RTKN: variants seen among roughly 807,000 people sequenced by gnomAD.
The protein encoded by RTKN is rhotekin.
RTKN carries 49 observed loss-of-function variants against 63.5 expected under a neutral mutation model. The ratio of observed to expected loss-of-function variants is 0.77; its 90% CI spans 0.61 to 0.98. RTKN has a LOEUF of 0.98. RTKN is among the 50% of genes least tolerant of loss of function. The probability of loss-of-function intolerance (pLI) is 0.00; values close to 1 mark genes in which losing one functional copy is unlikely to be tolerated. For synonymous variants in RTKN, 295 were observed against 290.4 expected (o/e 1.02, Z -0.16); for missense variants, 685 against 740.8 (o/e 0.92, Z 0.87).
chr2:74,439,673 CA>C lies in RTKN; in HGVS notation c.111+2032del, dbSNP rs145304008. The C allele has an allele frequency of 8.8e-4, 1,425 of 1,610,396 alleles. 17 individuals are homozygous for C. The African/African-American group carries it at 0.017, about 19-fold the overall frequency. On this transcript the variant is annotated intron_variant, in intron 1 of 11. Transcript: ENST00000272430. The stretch of plus-strand genomic sequence containing the variant: ...CTTGTCAACCCCTCCAGAGGGGGGA[CA>C]GATAGGTACCACACTGTCCCACAGT...
intron 1 of RTKN, chr2:74,439,684 C>G: frequency 6.2e-7 from 1 of 1,602,882 alleles, no homozygotes; most frequent in Non-Finnish European, 8.5e-7. Context: ...AGATAGGTAC[C>G]ACACTGTCCC....
At chr2:74,426,747 G>A in intron 11 of RTKN, 173 bp from the exon 12 acceptor site, 1 of 1,380,644 alleles carries the variant, frequency 7.2e-7, no homozygotes, top group Non-Finnish European at 9.3e-7. Context: ...TGGGGCTACA[G>A]GCTCTGATAA....
intron 1 of RTKN, among the ~76,000 whole-genome samples, chr2:74,438,041 A>T (rs1308406159): frequency 6.6e-6 from 1 of 151,962 alleles, no homozygotes; most frequent in African/African-American, 2.4e-5. Flanking sequence ...ATCTACTATG[A>T]TCCAGGGAGT....
chr2:74,427,590 C>A lies in RTKN; in HGVS notation c.1089G>T (p.Glu363Asp), dbSNP rs773178000. ...EPLLTIAVNK[E>D]TRVRAGELDQ... Reference sequence around the variant, plus strand: ...CCAGCTCCCCTGCCCGGACTCGAGTCTCCTGCAGGAGAAAGAAGAGGTCTA... The same window carrying A: ...CCAGCTCCCCTGCCCGGACTCGAGTATCCTGCAGGAGAAAGAAGAGGTCTA... The change falls in exon 10 of 12, where the codon GAG becomes GAT. Residue 363 changes from glutamate (E) to aspartate (D), a missense_variant and splice_region_variant. Coordinates refer to ENST00000272430, the MANE Select transcript of RTKN (RefSeq NM_001015055.2). The A allele has an allele frequency of 5.0e-6, 8 of 1,611,588 alleles. No individual in the cohort carries two copies. The highest frequency in any genetic ancestry group is 4.0e-4 in the Middle Eastern group (2 of 4,948).
chr2:74,428,861 G>C lies in RTKN; in HGVS notation c.837C>G (p.Thr279=). The C allele has an allele frequency of 6.2e-7, 1 of 1,613,944 alleles. No homozygotes were observed. Among genetic ancestry groups the C allele is most frequent in the Non-Finnish European group, 8.5e-7 (1 of 1,179,804 alleles). Residue 279 remains threonine (T), a synonymous_variant, in exon 7 of 12, where the codon ACC becomes ACG. Transcript: ENST00000272430. ...VQDGFRTHDL[T]LASHEENPAW... The stretch of plus-strand genomic sequence containing the variant: ...ACACATACTTACCATGACTGGCAAG[G>C]GTGAGGTCATGTGTGCGGAATCCAT...
At position 74,436,140 on chromosome 2, in the gene RTKN, G is replaced by A. The variant is rs1024490238; in HGVS notation, c.112-3474C>T. On this transcript the variant is annotated intron_variant, in intron 1 of 11. Coordinates refer to ENST00000272430, the MANE Select transcript of RTKN (RefSeq NM_001015055.2). The surrounding 1 kb of genome is among the most constrained non-coding windows in gnomAD (Gnocchi z 4.3). Reference sequence around the variant, plus strand: ...AGCCTGGCAGGAGGGGGACACGGAGGTGTCCTCAACCCCCATCTTGGCTAG... The same window carrying A: ...AGCCTGGCAGGAGGGGGACACGGAGATGTCCTCAACCCCCATCTTGGCTAG... Among the ~76,000 whole-genome samples the A allele has an allele frequency of 6.6e-5, 10 of 152,242 alleles. No individual in the cohort carries two copies. The highest frequency in any genetic ancestry group is 2.2e-4 in the African/African-American group (9 of 41,460).
chr2:74,437,234 G>A (rs1170000186), intron 1 of RTKN, among the ~76,000 whole-genome samples: 1 of 152,158 alleles, frequency 6.6e-6, no homozygotes, highest in Non-Finnish European at 1.5e-5. Context: ...AATTATATGG[G>A]AAAGTCTCAT....
chr2:74,430,225 G>A (rs1573244380), intron 5 of RTKN, 27 bp downstream of exon 5: 4 of 1,591,980 alleles, frequency 2.5e-6, no homozygotes, highest in Non-Finnish European at 2.6e-6. Context: ...GTGGAGGAAG[G>A]AGGTAGCCAC....
rs1217858992 is a variant in RTKN at position 74,426,367 on chromosome 2, G to A, written c.1568C>T (p.Ala523Val). The change falls in exon 12 of 12, where the codon GCT becomes GTT. Residue 523 changes from alanine to valine, a missense_variant. By Grantham distance (64) the Ala-to-Val change is moderately conservative (BLOSUM62 0). Coordinates refer to ENST00000272430, the MANE Select transcript of RTKN (RefSeq NM_001015055.2). ...WGRPRTFSLDAVPPDHSPRAR... is the reference protein window; with the variant it reads ...WGRPRTFSLDVVPPDHSPRAR... ...CCTAGGGGAGTGGTCTGGGGGGACA[G>A]CATCCAGGGAAAAGGTTCGGGGTCT... is the stretch of plus-strand genomic sequence containing the variant. The A allele has an allele frequency of 1.2e-6, 2 of 1,611,052 alleles. No individual in the cohort carries two copies. Among genetic ancestry groups the A allele is most frequent in the Non-Finnish European group, 1.7e-6 (2 of 1,178,070 alleles).
chr2:74,432,799 G>A (rs1573252213), intron 1 of RTKN, 133 bp from the exon 2 acceptor site: 1 of 688,876 alleles, frequency 1.5e-6, no homozygotes, highest in Non-Finnish European at 2.4e-6. Flanking sequence ...TCAAGAGCAG[G>A]CATTGGGTCT....
At chr2:74,434,195 CA>C (rs1670927887) in intron 1 of RTKN, among the ~76,000 whole-genome samples, 1 of 151,752 alleles carries the variant, frequency 6.6e-6, no homozygotes, top group Admixed American at 6.6e-5. Context: ...TTCCACCTTC[CA>C]GGTTCAAGTG....
chr2:74,433,954 G>A (rs1055542369), intron 1 of RTKN, among the ~76,000 whole-genome samples: 5 of 152,074 alleles, frequency 3.3e-5, no homozygotes, highest in African/African-American at 1.2e-4. Context: ...AATGATGTGA[G>A]AAAAGAAGGG....
chr2:74,432,447 C>A lies in RTKN; in HGVS notation c.311+20G>T. 6.2e-7 allele frequency: 1 copy of A among 1,603,846 alleles called. No homozygotes were observed. The highest frequency in any genetic ancestry group is 1.1e-5 in the South Asian group (1 of 91,066). ...GAAGGCCTCCTGCCTCCATCGAGGC[C>A]TCGTCTCCCCCTTGCTCACCGCCGG... On this transcript the variant is annotated intron_variant, in intron 2 of 11. Transcript: ENST00000272430.
At position 74,436,960 on chromosome 2, in the gene RTKN, C is replaced by T. The variant is rs1280517391; in HGVS notation, c.112-4294G>A. On this transcript the variant is annotated intron_variant, in intron 1 of 11. Transcript: ENST00000272430. This position sits in a 1 kb window ranked among gnomAD's most constrained non-coding sequence, Gnocchi z 4.3. ...CGCAGAGCTGGGTGTCAGCTGGACC[C>T]GGGTCAGATCCCAAGGGGCTAGAGG... is the stretch of plus-strand genomic sequence containing the variant. 2.0e-5 allele frequency among the ~76,000 whole-genome samples: 3 copies of T among 152,176 alleles called. No individual in the cohort carries two copies. The highest frequency in any genetic ancestry group is 2.9e-5 in the Non-Finnish European group (2 of 68,032).
chr2:74,434,280 CTTTTTTT>C lies in RTKN; in HGVS notation c.112-1621_112-1615del, dbSNP rs902132687. ...ACCACGCCCGAGTAAGTTTTGTATTCTTTTTTTTTTTTTTTTTTGAGACCGAGTCTTA... is the reference window on the plus strand; with the variant it reads ...ACCACGCCCGAGTAAGTTTTGTATTCTTTTTTTTTTTGAGACCGAGTCTTA... On this transcript the variant is annotated intron_variant, in intron 1 of 11. Coordinates refer to ENST00000272430, the MANE Select transcript of RTKN (RefSeq NM_001015055.2). Among the ~76,000 whole-genome samples the C allele has an allele frequency of 3.1e-5, 4 of 128,062 alleles. No individual in the cohort carries two copies. In the East Asian group the frequency reaches 6.9e-4, roughly 22 times the overall value. 84.0% of individuals were successfully genotyped at this position (128,062 alleles called of 152,430 possible).
In RTKN at chr2:74,430,514, G is replaced by C. The variant is rs752006829; in HGVS notation, c.378C>G (p.Leu126=). ...PCRGRVCISD[L]RIPLMWKDTE... is the part of the protein sequence containing the mutation. ...TGTCCTTCCACATGAGTGGAATCCG[G>C]AGGTCTAAGGGGCAGAGGGGTAAGA... Residue 126 remains leucine, a synonymous_variant, in exon 4 of 12, where the codon CTC becomes CTG. Transcript: ENST00000272430. The C allele has an allele frequency of 6.2e-7, 1 of 1,614,210 alleles. No homozygotes were observed. Among genetic ancestry groups the C allele is most frequent in the Admixed American group, 1.7e-5 (1 of 60,026 alleles).
In RTKN at chr2:74,426,159, C is replaced by G; in HGVS notation, c.*84G>C. ...ACAGGAGGCCAGACTGGCCAACTTG[C>G]TATAGACAGCGCCGTATCCAGAGCC... is the stretch of plus-strand genomic sequence containing the variant. On this transcript the variant is annotated 3_prime_UTR_variant, in exon 12 of 12. Transcript: ENST00000272430. 4.7e-6 allele frequency: 6 copies of G among 1,282,758 alleles called. No homozygotes were observed. Among genetic ancestry groups the G allele is most frequent in the Non-Finnish European group, 6.6e-6 (6 of 903,912 alleles). 79.5% of individuals were successfully genotyped at this position (1,282,758 alleles called of 1,614,324 possible).
At chr2:74,434,398 G>C (rs568177486) in intron 1 of RTKN, among the ~76,000 whole-genome samples, 1 of 151,556 alleles carries the variant, frequency 6.6e-6, no homozygotes, top group African/African-American at 2.4e-5. Context: ...CTTCTGCCTA[G>C]CCTCCGGAGT....
Position 74,426,886 on chromosome 2 carries a change from C to T in RTKN, c.1360+283G>A, listed in dbSNP as rs920509925. The T allele has an allele frequency of 3.0e-6, 4 of 1,355,622 alleles. No individual in the cohort carries two copies. The African/African-American group carries it at 6.0e-5, about 20-fold the overall frequency. The allele number at this position is 1,355,622 out of a possible 1,614,324, so 84.0% of individuals were successfully genotyped here. On this transcript the variant is annotated intron_variant, in intron 11 of 11. Transcript: ENST00000272430. Reference sequence around the variant, plus strand: ...GCAAGTGAGGGGTCAGAAGAAGAGACAGGAATCCACATGCAGAAAGGGAAA... The same window carrying T: ...GCAAGTGAGGGGTCAGAAGAAGAGATAGGAATCCACATGCAGAAAGGGAAA...
Sources: gnomAD v4.1 joint callset for allele counts (sites outside exome capture counted in the v4.1 genomes callset) on GRCh38, gnomAD v4.1.1 for gene constraint, Gnocchi (gnomAD v3.1) non-coding constraint, MANE v1.5 for transcripts, NCBI Gene and HGNC (gene_info 2026-07-23, HGNC 2026-07-21) for gene names.